The following EP300 variants were observed in gnomAD, a reference collection of about 807,000 sequenced individuals.
The protein encoded by EP300 is histone acetyltransferase p300.
EP300 carries 31 observed loss-of-function variants against 264.0 expected under a neutral mutation model. The ratio of observed to expected loss-of-function variants is 0.12; its 90% confidence interval spans 0.09 to 0.16. The LOEUF (loss-of-function observed/expected upper bound fraction) is 0.16. EP300 is among the 10% of genes least tolerant of loss of function. The probability of loss-of-function intolerance (pLI) is 1.00; values close to 1 mark genes in which losing one functional copy is unlikely to be tolerated. For synonymous variants in EP300, 1,340 were observed against 1,045.4 expected (o/e 1.28, Z -5.44); for missense variants, 2,766 against 3,052.9 (o/e 0.91, Z 2.21).
At chr22:41,169,921 C>G (rs1454449870) in intron 26 of EP300, among the ~76,000 whole-genome samples, 1 of 152,172 alleles carries the variant, frequency 6.6e-6, no homozygotes, top group Non-Finnish European at 1.5e-5. Flanking sequence ...TGCATTTGAT[C>G]CTTTTACAAC....
At chr22:41,158,116 C>T (rs918639389) in intron 18 of EP300, among the ~76,000 whole-genome samples, 3 of 152,196 alleles carry the variant, frequency 2.0e-5, no homozygotes, top group African/African-American at 7.2e-5. Context: ...CTCTTGGGCT[C>T]ACGCAGTCTT....
Position 41,092,790 on chromosome 22 carries a change from C to A in EP300, c.-215C>A. On this transcript the variant is annotated 5_prime_UTR_variant, in exon 1 of 31. Transcript: ENST00000263253. ...CCTCCTCCGGGCTTGGGCCCAGGCCCGGCCCCTCGCACTTGCCCTTACCTT... is the reference window on the plus strand; with the variant it reads ...CCTCCTCCGGGCTTGGGCCCAGGCCAGGCCCCTCGCACTTGCCCTTACCTT... The A allele has an allele frequency of 1.6e-6, 1 of 638,260 alleles. No individual in the cohort carries two copies. Among genetic ancestry groups the A allele is most frequent in the South Asian group, 1.8e-5 (1 of 54,512 alleles). 39.5% of individuals were successfully genotyped at this position (638,260 alleles called of 1,614,324 possible). A position where few individuals can be genotyped will look rare whatever the true frequency, so the allele number is the denominator to read the frequency against.
At position 41,176,906 on chromosome 22, in the gene EP300, G is replaced by A. The variant is rs772712660; in HGVS notation, c.5195G>A (p.Arg1732His). ...AATQSPGDSR[R>H]LSIQRCIQSL... ...ACCCAGAGCCCAGGCGATTCTCGCC[G>A]CCTGAGTATCCAGCGCTGCATCCAG... Residue 1732 changes from arginine to histidine, a missense_variant, in exon 31 of 31, where the codon CGC becomes CAC. Physicochemically the swap from Arg to His is conservative, Grantham distance 29 (BLOSUM62 0). Coordinates refer to ENST00000263253, the MANE Select transcript of EP300 (RefSeq NM_001429.4). The A allele has an allele frequency of 1.2e-6, 2 of 1,614,116 alleles. No individual in the cohort carries two copies. The highest frequency in any genetic ancestry group is 2.2e-5 in the East Asian group (1 of 44,878).
rs533349187 is a variant in EP300 at position 41,117,604 on chromosome 22, C to T, written c.512C>T (p.Ala171Val). ...ATGGGAATGAACACAGGGATGAATGCGGGCATGAATCCTGGAATGTTGGCT... is the reference window on the plus strand; with the variant it reads ...ATGGGAATGAACACAGGGATGAATGTGGGCATGAATCCTGGAATGTTGGCT... Reference protein sequence around the residue: ...PAMGMNTGMNAGMNPGMLAAG... With the variant: ...PAMGMNTGMNVGMNPGMLAAG... Residue 171 changes from alanine to valine, a missense_variant, in exon 2 of 31, where the codon GCG (alanine) becomes GTG (valine). Ala to Val is a moderately conservative substitution (Grantham distance 64). Coordinates refer to ENST00000263253, the MANE Select transcript of EP300 (RefSeq NM_001429.4). 14 of 1,614,150 alleles carry T rather than the reference C, an allele frequency of 8.7e-6. No individual in the cohort carries two copies. Among genetic ancestry groups the T allele is most frequent in the African/African-American group, 6.7e-5 (5 of 75,036 alleles).
At chr22:41,156,104 C>T (rs1027647035) in intron 17 of EP300, among the ~76,000 whole-genome samples, 11 of 152,068 alleles carry the variant, frequency 7.2e-5, no homozygotes, top group African/African-American at 2.2e-4. Context: ...CTCCCCCTCC[C>T]GGGTTCAAGC....
At chr22:41,097,199 T>TTATAGGA (rs759374197) in intron 1 of EP300, among the ~76,000 whole-genome samples, 2 of 152,198 alleles carry the variant, frequency 1.3e-5, no homozygotes, top group Non-Finnish European at 1.5e-5. Flanking sequence ...GTAAGTTCAT[T>TTATAGGA]TATAGGACTT....
rs2058973901 is a variant in EP300 at position 41,140,217 on chromosome 22, G to A, written c.1838G>A (p.Arg613Gln). The A allele has an allele frequency of 6.2e-7, 1 of 1,613,954 alleles. No homozygotes were observed. The highest frequency in any genetic ancestry group is 2.2e-5 in the East Asian group (1 of 44,870). ...RRMENLVAYARKVEGDMYESA... is the reference protein window; with the variant it reads ...RRMENLVAYAQKVEGDMYESA... ...ATGGAAAACCTAGTTGCATATGCTC[G>A]GAAAGTTGAAGGGGACATGTATGAA... The change falls in exon 9 of 31, where the codon CGG becomes CAG. Residue 613 changes from arginine (R) to glutamine (Q), a missense_variant. Physicochemically the swap from Arg to Gln is conservative, Grantham distance 43 (BLOSUM62 1). Transcript: ENST00000263253.
chr22:41,094,042 A>C (rs770119451), intron 1 of EP300, among the ~76,000 whole-genome samples: 1 of 152,224 alleles, frequency 6.6e-6, no homozygotes, highest in Non-Finnish European at 1.5e-5. Context: ...CGACCAGTTC[A>C]TTCAGTTGTG....
Position 41,151,996 on chromosome 22 carries a change from C to A in EP300, c.2981C>A (p.Pro994Gln), listed in dbSNP as rs764485471. 6.2e-7 allele frequency: 1 copy of A among 1,613,926 alleles called. No individual in the cohort carries two copies. The highest frequency in any genetic ancestry group is 8.5e-7 in the Non-Finnish European group (1 of 1,180,024). The change falls in exon 15 of 31, where the codon CCG becomes CAG. Residue 994 changes from proline (P) to glutamine (Q), a missense_variant. Physicochemically the swap from Pro to Gln is moderately conservative, Grantham distance 76. Transcript: ENST00000263253. ...VDQPEPADTQ[P>Q]EDISESKVED... ...CAACCAGAACCAGCAGATACTCAGC[C>A]GGAGGATATTTCAGAGGTGAGAGTA...
At chr22:41,157,478 A>G (rs1470113225) in intron 18 of EP300, 70 bp downstream of exon 18, 5 of 1,097,320 alleles carry the variant, frequency 4.6e-6, no homozygotes, top group Non-Finnish European at 6.7e-6. Flanking sequence ...GGTGACTGGG[A>G]TAAGAGAATA....
At chr22:41,119,175 A>ATTTT (rs1159365617) in intron 2 of EP300, among the ~76,000 whole-genome samples, 11 of 112,996 alleles carry the variant, frequency 9.7e-5, no homozygotes, top group African/African-American at 3.6e-4. Flanking sequence ...GCTTATTATT[A>ATTTT]TTTTTTTTTT....
chr22:41,179,601 T>TGTAA lies in EP300; in HGVS notation c.*648_*651dup, dbSNP rs1016888205. ...TTGTGCTCCAGAAAATTTTCTATTC[T>TGTAA]GTAAGTCTGAGCGTAAAACTTCAAG... On this transcript the variant is annotated 3_prime_UTR_variant, in exon 31 of 31. Transcript: ENST00000263253. 17 of 217,302 alleles carry TGTAA rather than the reference T, an allele frequency of 7.8e-5. No homozygotes were observed. The highest frequency in any genetic ancestry group is 3.7e-4 in the South Asian group (2 of 5,366). 13.5% of individuals were successfully genotyped at this position (217,302 alleles called of 1,614,324 possible).
At chr22:41,125,520 C>T (rs550534924) in intron 2 of EP300, among the ~76,000 whole-genome samples, 2 of 152,168 alleles carry the variant, frequency 1.3e-5, no homozygotes, top group African/African-American at 4.8e-5. Context: ...CCTGCCTTGG[C>T]CTCGCAAAGT....
rs374347998 is a variant in EP300 at position 41,166,556 on chromosome 22, G to A, written c.3807-43G>A. The A allele has an allele frequency of 7.4e-6, 11 of 1,495,398 alleles. No individual in the cohort carries two copies. The African/African-American group carries it at 1.2e-4, about 17-fold the overall frequency. The allele number at this position is 1,495,398 out of a possible 1,614,324, so 92.6% of individuals were successfully genotyped here. A position where few individuals can be genotyped will look rare whatever the true frequency, so the allele number is the denominator to read the frequency against. On this transcript the variant is annotated intron_variant, in intron 22 of 30. Transcript: ENST00000263253. ...AACTTTTTGTTAGTATAAATTCAAC[G>A]GTTTATCTAAGTTGTGTAAGCAAAG...
At chr22:41,134,625 G>T (rs1227222137) in intron 6 of EP300, among the ~76,000 whole-genome samples, 1 of 151,946 alleles carries the variant, frequency 6.6e-6, no homozygotes, top group South Asian at 2.1e-4. Context: ...GAACTCCTGA[G>T]CTCAAGTGAT....
chr22:41,102,874 T>G (rs747227048), intron 1 of EP300, among the ~76,000 whole-genome samples: 1 of 152,140 alleles, frequency 6.6e-6, no homozygotes, highest in Non-Finnish European at 1.5e-5. Context: ...TTTATTTATT[T>G]TGAGACAATC....
chr22:41,151,700 A>G lies in EP300; in HGVS notation c.2818-133A>G. 3 of 900,236 alleles carry G rather than the reference A, an allele frequency of 3.3e-6. No homozygotes were observed. In the South Asian group the frequency reaches 4.2e-5, roughly 12 times the overall value. 55.8% of individuals were successfully genotyped at this position (900,236 alleles called of 1,614,324 possible). On this transcript the variant is annotated intron_variant, in intron 14 of 30. Transcript: ENST00000263253. ...GGAGGTGAAATGGGCAGAGCAAATG[A>G]AAGCACCATGAATAAATATAAGCCA...
In EP300 at chr22:41,147,868, C is replaced by A. The variant is rs2145734115; in HGVS notation, c.2163C>A (p.Ala721=). 3 of 1,614,142 alleles carry A rather than the reference C, an allele frequency of 1.9e-6. No individual in the cohort carries two copies. The highest frequency in any genetic ancestry group is 2.5e-6 in the Non-Finnish European group (3 of 1,180,022). The part of the protein sequence containing the change: ...GLNQFGQMSM[A]QPPIVPRQTP... ...ATCAATTTGGCCAGATGAGCATGGCCCAGCCCCCTATTGTACCCCGGCAAA... is the reference window on the plus strand; with the variant it reads ...ATCAATTTGGCCAGATGAGCATGGCACAGCCCCCTATTGTACCCCGGCAAA... Residue 721 remains alanine (A), a synonymous_variant, in exon 12 of 31, where the codon GCC becomes GCA. Coordinates refer to ENST00000263253, the MANE Select transcript of EP300 (RefSeq NM_001429.4).
At chr22:41,168,411 A>C in intron 23 of EP300, 38 bp from the exon 24 acceptor site, 1 of 1,613,020 alleles carries the variant, frequency 6.2e-7, no homozygotes, top group Non-Finnish European at 8.5e-7. Context: ...ACAACAGTAA[A>C]TTTGCACCTC....
Sources: gnomAD v4.1 joint callset for allele counts (sites outside exome capture counted in the v4.1 genomes callset) on GRCh38, gnomAD v4.1.1 for gene constraint, MANE v1.5 for transcripts, NCBI Gene and HGNC (gene_info 2026-07-23, HGNC 2026-07-21) for gene names.